SNRPN: variants seen among roughly 807,000 people sequenced by gnomAD.
The protein encoded by SNRPN is small nuclear ribonucleoprotein-associated protein N.
A neutral mutation model predicts 25.2 loss-of-function variants in SNRPN; 7 were observed. The observed-to-expected ratio is 0.28, with a 90% CI of 0.16 to 0.52. The LOEUF is 0.52. Among genes scored for constraint, SNRPN ranks in the 20% least tolerant of loss-of-function variants. The pLI is 0.96. For missense variants in SNRPN, 196 were observed against 322.5 expected, an observed-to-expected ratio of 0.61 and a Z score of 3.00; for synonymous variants, 124 against 110.6, an observed-to-expected ratio of 1.12 and a Z score of -0.76.
chr15:24,967,238 T>G (rs2075770605), intron 2 of SNRPN: 1 of 152,346 alleles, frequency 6.6e-6, no homozygotes, highest in Admixed American at 6.5e-5. Context: ...ATTTCTAGAC[T>G]TGGTAAGTAT....
intron 2 of SNRPN, among the ~76,000 whole-genome samples, chr15:24,965,880 T>C (rs1162967930): frequency 6.6e-6 from 1 of 151,674 alleles, no homozygotes; most frequent in Non-Finnish European, 1.5e-5. Context: ...TATTTTTTTT[T>C]ACTGAAACAC....
At chr15:24,861,565 C>T (rs1360917920) in intron 1 of SNRPN, among the ~76,000 whole-genome samples, 3 of 152,166 alleles carry the variant, frequency 2.0e-5, no homozygotes, top group African/African-American at 7.2e-5. Flanking sequence ...TTTAGAAACA[C>T]TGTAAACTAA....
intron 2 of SNRPN, among the ~76,000 whole-genome samples, chr15:24,905,506 CT>C (rs1313494281): frequency 3.0e-5 from 2 of 67,350 alleles, no homozygotes; most frequent in African/African-American, 1.4e-4. Flanking sequence ...GAGACTCCAT[CT>C]CAAAAAAAAA....
At chr15:24,834,544 A>G (rs2050843441) in intron 2 of SNRPN, among the ~76,000 whole-genome samples, 1 of 151,852 alleles carries the variant, frequency 6.6e-6, no homozygotes, top group African/African-American at 2.4e-5. Flanking sequence ...CAGCCTGAGC[A>G]ACATAGCAAG....
At chr15:24,844,979 T>C (rs954419172) in intron 2 of SNRPN, among the ~76,000 whole-genome samples, 9 of 152,210 alleles carry the variant, frequency 5.9e-5, no homozygotes, top group Non-Finnish European at 1.3e-4. Context: ...ATTAATTTTA[T>C]ATCTAGTGCA....
chr15:24,977,717 CTG>C (rs2077225959), intron 7 of SNRPN, 59 bp from the exon 8 acceptor site: 16 of 1,455,422 alleles, frequency 1.1e-5, no homozygotes, highest in Non-Finnish European at 1.4e-5. Context: ...CATTTATTTT[CTG>C]TGTTTGAATA....
At chr15:24,898,214 T>C (rs1010775069) in intron 2 of SNRPN, among the ~76,000 whole-genome samples, 1 of 152,032 alleles carries the variant, frequency 6.6e-6, no homozygotes, top group Non-Finnish European at 1.5e-5. Context: ...TGAGCAAAAA[T>C]GCAAGCTTTT....
chr15:24,975,633 A>G (rs1190746396), intron 5 of SNRPN, 124 bp downstream of exon 5: 3 of 764,782 alleles, frequency 3.9e-6, no homozygotes, highest in African/African-American at 1.7e-5. Context: ...GAGCCAGTCT[A>G]TTGTTTAACC....
At chr15:24,959,758 A>G (rs913406774) in intron 1 of SNRPN, among the ~76,000 whole-genome samples, 1 of 152,050 alleles carries the variant, frequency 6.6e-6, no homozygotes, top group Non-Finnish European at 1.5e-5. Context: ...GATATATCAT[A>G]TTTTCTTCAT....
intron 3 of SNRPN, among the ~76,000 whole-genome samples, chr15:24,921,981 C>A (rs1164718123): frequency 6.7e-6 from 1 of 149,816 alleles, no homozygotes; most frequent in Non-Finnish European, 1.5e-5. Context: ...AGTGGACCAC[C>A]TGAGGTCAGG....
intron 3 of SNRPN, among the ~76,000 whole-genome samples, chr15:24,945,677 T>C (rs1480252706): frequency 6.6e-6 from 1 of 152,188 alleles, no homozygotes; most frequent in Non-Finnish European, 1.5e-5. Flanking sequence ...GAGCTTTTTA[T>C]TTTGTTGCTT....
At chr15:24,876,616 C>CGAA (rs2055910241) in intron 1 of SNRPN, among the ~76,000 whole-genome samples, 1 of 89,004 alleles carries the variant, frequency 1.1e-5, no homozygotes, top group African/African-American at 4.2e-5. Flanking sequence ...GACTCCATCT[C>CGAA]AAAAAAAAAA....
rs146392301 is a variant in SNRPN at position 24,937,366 on chromosome 15, C to A, written c.-391+17242C>A. Reference sequence around the variant, plus strand: ...ACAAAACAAAACAAAACAAAAAAAACGAAAAAGCAAGACAAAAACAAAACA... The same window carrying A: ...ACAAAACAAAACAAAACAAAAAAAAAGAAAAAGCAAGACAAAAACAAAACA... On this transcript the variant is annotated intron_variant, in intron 3 of 11. Coordinates refer to the SNRPN transcript ENST00000400097. Among the ~76,000 whole-genome samples, 1,141 of 151,696 alleles carry A rather than the reference C, an allele frequency of 7.5e-3. 9 individuals are homozygous for A. Among genetic ancestry groups the A allele is most frequent in the African/African-American group, 7.0e-3 (290 of 41,394 alleles).
chr15:24,835,623 G>A (rs915947105), intron 2 of SNRPN, among the ~76,000 whole-genome samples: 1 of 151,086 alleles, frequency 6.6e-6, no homozygotes, highest in East Asian at 1.9e-4. Context: ...CATAATGAAT[G>A]CATACATTCT....
At chr15:24,830,844 A>C (rs1044940989) in intron 2 of SNRPN, among the ~76,000 whole-genome samples, 1 of 152,028 alleles carries the variant, frequency 6.6e-6, no homozygotes, top group Non-Finnish European at 1.5e-5. Flanking sequence ...ATGGAGGAGA[A>C]TGTGGTGCAT....
chr15:24,854,099 C>G (rs963587936), upstream of SNRPN, among the ~76,000 whole-genome samples: 2 of 152,002 alleles, frequency 1.3e-5, no homozygotes, highest in African/African-American at 4.8e-5. Context: ...TCAAAATTTT[C>G]TACTCTTGGC....
At chr15:24,885,132 G>C (rs1327347298) in intron 1 of SNRPN, among the ~76,000 whole-genome samples, 1 of 152,192 alleles carries the variant, frequency 6.6e-6, no homozygotes, top group Non-Finnish European at 1.5e-5. Context: ...AGCCATAACT[G>C]TAAGTAACTT....
At chr15:24,942,706 G>A (rs1211488783) in intron 3 of SNRPN, among the ~76,000 whole-genome samples, 2 of 152,158 alleles carry the variant, frequency 1.3e-5, no homozygotes, top group Non-Finnish European at 2.9e-5. Context: ...GGGATTCAGT[G>A]TAATCAACCT....
chr15:24,869,355 T>G (rs2054873640), intron 1 of SNRPN, among the ~76,000 whole-genome samples: 1 of 152,206 alleles, frequency 6.6e-6, no homozygotes, highest in Admixed American at 6.5e-5. Flanking sequence ...TGGGTGATAT[T>G]TGTCACAATT....
Sources: gnomAD v4.1 joint callset for allele counts (sites outside exome capture counted in the v4.1 genomes callset) on GRCh38, gnomAD v4.1.1 for gene constraint, MANE v1.5 for transcripts, NCBI Gene and HGNC (gene_info 2026-07-23, HGNC 2026-07-21) for gene names.